NPR3: variants seen among roughly 807,000 people sequenced by gnomAD.
The protein encoded by NPR3 is atrial natriuretic peptide receptor 3.
NPR3 carries 34 observed loss-of-function variants against 54.5 expected under a neutral mutation model. The ratio of observed to expected loss-of-function variants is 0.62; its 90% CI spans 0.47 to 0.83. The LOEUF (loss-of-function observed/expected upper bound fraction) is 0.83, where lower values mean the gene tolerates loss of function less well. NPR3 is among the 40% of genes least tolerant of loss of function. The pLI is 0.00. For synonymous variants in NPR3, 289 were observed against 297.1 expected (o/e 0.97, Z 0.28); for missense variants, 674 against 720.8 (o/e 0.94, Z 0.74).
intron 2 of NPR3, among the ~76,000 whole-genome samples, chr5:32,733,774 A>C (rs1739585623): frequency 6.6e-6 from 1 of 152,182 alleles, no homozygotes; most frequent in Non-Finnish European, 1.5e-5. Flanking sequence ...AGCTTTTGGC[A>C]CTTCCCCTTT....
chr5:32,734,377 C>T (rs145645600), intron 2 of NPR3, among the ~76,000 whole-genome samples: 56 of 152,296 alleles, frequency 3.7e-4, no homozygotes, highest in African/African-American at 1.3e-3. Flanking sequence ...TGTGCTAGGT[C>T]CTTGGTAAGT....
chr5:32,773,743 C>T (rs549112737), intron 3 of NPR3, among the ~76,000 whole-genome samples: 1 of 152,310 alleles, frequency 6.6e-6, no homozygotes, highest in African/African-American at 2.4e-5. Context: ...AGCACAGACT[C>T]CAACACTTTA....
At chr5:32,733,590 G>C (rs1021178639) in intron 2 of NPR3, among the ~76,000 whole-genome samples, 23 of 152,036 alleles carry the variant, frequency 1.5e-4, no homozygotes, top group African/African-American at 5.1e-4. Context: ...ATTGGTGATG[G>C]GCAAAAATTA....
At chr5:32,753,766 A>C (rs530639915) in intron 3 of NPR3, among the ~76,000 whole-genome samples, 1 of 152,082 alleles carries the variant, frequency 6.6e-6, no homozygotes, top group South Asian at 2.1e-4. Flanking sequence ...AAACAAATTT[A>C]AAGGTGATAT....
At chr5:32,710,859 G>GTTTTTTT (rs56022335), upstream of NPR3, 239 of 979,612 alleles carry the variant, frequency 2.4e-4, 1 homozygote, top group African/African-American at 3.9e-3. Flanking sequence ...CCCAGTCCTG[G>GTTTTTTT]TTTTTTTTTT....
chr5:32,732,689 C>A (rs890955222), intron 2 of NPR3, among the ~76,000 whole-genome samples: 2 of 152,042 alleles, frequency 1.3e-5, no homozygotes, highest in Admixed American at 1.3e-4. Flanking sequence ...TAGTAAAGGG[C>A]CTTGTTTGAA....
In NPR3 at chr5:32,786,308, G is replaced by T; in HGVS notation, c.1589G>T (p.Arg530Leu). The change falls in exon 8 of 8, where the codon CGG (arginine) becomes CTG (leucine). Residue 530 changes from arginine (R) to leucine (L), a missense_variant. Arg to Leu is a moderately radical substitution (Grantham distance 102, BLOSUM62 -2). Coordinates refer to ENST00000265074, the MANE Select transcript of NPR3 (RefSeq NM_001204375.2). ...ESNLGKHREL[R>L]EDSIRSHFSV... ...AACCTTGGAAAACATCGGGAATTACGGGAAGATTCCATCAGATCCCATTTT... is the reference window on the plus strand; with the variant it reads ...AACCTTGGAAAACATCGGGAATTACTGGAAGATTCCATCAGATCCCATTTT... 1.3e-6 allele frequency: 2 copies of T among 1,586,160 alleles called. No individual in the cohort carries two copies. Among genetic ancestry groups the T allele is most frequent in the East Asian group, 4.5e-5 (2 of 44,494 alleles).
At chr5:32,741,035 A>G (rs1740012191) in intron 3 of NPR3, among the ~76,000 whole-genome samples, 1 of 125,594 alleles carries the variant, frequency 8.0e-6, no homozygotes. Flanking sequence ...GCCACTGTAT[A>G]TTGTTTTACT....
chr5:32,734,221 A>G (rs1833530), intron 2 of NPR3, among the ~76,000 whole-genome samples: 19,097 of 152,172 alleles, frequency 0.13, 1,315 homozygotes, highest in East Asian at 0.23. Flanking sequence ...AGGAAGGCAG[A>G]TATTTTCTCT....
At chr5:32,734,262 C>T (rs1034658737) in intron 2 of NPR3, among the ~76,000 whole-genome samples, 9 of 152,178 alleles carry the variant, frequency 5.9e-5, no homozygotes, top group Non-Finnish European at 1.2e-4. Flanking sequence ...TGAAGAGCCA[C>T]AGTACTGTGG....
In NPR3 at chr5:32,789,661, T is replaced by C. The variant is rs1561141431; in HGVS notation, c.*3316T>C. 1.9e-6 allele frequency: 1 copy of C among 534,744 alleles called. No individual in the cohort carries two copies. Among genetic ancestry groups the C allele is most frequent in the South Asian group, 1.4e-5 (1 of 71,584 alleles). 33.1% of individuals were successfully genotyped at this position (534,744 alleles called of 1,614,324 possible). On this transcript the variant is annotated 3_prime_UTR_variant, in exon 8 of 8. Coordinates refer to ENST00000265074, the MANE Select transcript of NPR3 (RefSeq NM_001204375.2). ...AAATCATTAATTTACTCAAGGCACA[T>C]GTGCCTTCTTTGCCCCAAATGCATC...
chr5:32,773,427 G>A (rs1479751459), intron 3 of NPR3, among the ~76,000 whole-genome samples: 1 of 152,144 alleles, frequency 6.6e-6, no homozygotes, highest in Non-Finnish European at 1.5e-5. Flanking sequence ...GACAGTCCAA[G>A]TTCCTCAGTG....
intron 3 of NPR3, among the ~76,000 whole-genome samples, chr5:32,760,243 G>A (rs1741089844): frequency 6.6e-6 from 1 of 152,020 alleles, no homozygotes; most frequent in Non-Finnish European, 1.5e-5. Context: ...GAATGGAATT[G>A]CTGAGTCATA....
intron 5 of NPR3, 118 bp from the exon 6 acceptor site, chr5:32,782,775 C>A: frequency 2.0e-6 from 2 of 990,012 alleles, no homozygotes. Flanking sequence ...TGATGAAATG[C>A]CCAGAGGCAG....
chr5:32,744,193 A>G (rs1740181899), intron 3 of NPR3, among the ~76,000 whole-genome samples: 2 of 151,986 alleles, frequency 1.3e-5, no homozygotes, highest in South Asian at 4.2e-4. Flanking sequence ...GGGTTTCACT[A>G]TGTTGGCCAA....
intron 3 of NPR3, among the ~76,000 whole-genome samples, chr5:32,761,211 T>TA (rs145865388): frequency 1.4e-4 from 20 of 147,568 alleles, no homozygotes; most frequent in East Asian, 3.9e-4. Flanking sequence ...TGTTAGTTTC[T>TA]AAAAAAAAAA....
chr5:32,723,959 G>A (rs2111889416), intron 1 of NPR3, among the ~76,000 whole-genome samples: 1 of 151,050 alleles, frequency 6.6e-6, no homozygotes, highest in South Asian at 2.1e-4. Context: ...CAATATATGT[G>A]TACATATACA....
chr5:32,738,770 A>G (rs1237590549), intron 2 of NPR3, 94 bp from the exon 3 acceptor site: 1 of 1,113,218 alleles, frequency 9.0e-7, no homozygotes, highest in Admixed American at 2.2e-5. Flanking sequence ...GGTTGCCAAA[A>G]GTAACATGCG....
At chr5:32,714,402 T>G (rs563991113) in intron 1 of NPR3, among the ~76,000 whole-genome samples, 1 of 141,944 alleles carries the variant, frequency 7.0e-6, no homozygotes, top group East Asian at 2.2e-4. Context: ...CTGGTGGGCC[T>G]GGGGACTGGT....
Sources: gnomAD v4.1 joint callset for allele counts (sites outside exome capture counted in the v4.1 genomes callset) on GRCh38, gnomAD v4.1.1 for gene constraint, MANE v1.5 for transcripts, NCBI Gene and HGNC (gene_info 2026-07-23, HGNC 2026-07-21) for gene names.